The following ROBO2 variants were observed in gnomAD, a reference collection of about 807,000 sequenced individuals.
ROBO2 encodes roundabout homolog 2.
A neutral mutation model predicts 160.8 loss-of-function variants in ROBO2; 53 were observed. That is an observed-to-expected ratio of 0.33 (90% confidence interval 0.26 to 0.41). The LOEUF is 0.41. ROBO2 is among the 10% of genes least tolerant of loss of function. The pLI is 1.00. For missense variants in ROBO2, 1,577 were observed against 1,722.4 expected, an observed-to-expected ratio of 0.92 and a Z score of 1.49; for synonymous variants, 664 against 611.7, an observed-to-expected ratio of 1.09 and a Z score of -1.26.
At chr3:77,054,610 C>A (rs1165983537) in intron 1 of ROBO2, among the ~76,000 whole-genome samples, 1 of 152,100 alleles carries the variant, frequency 6.6e-6, no homozygotes, top group Non-Finnish European at 1.5e-5. Flanking sequence ...GCTTGCTGCA[C>A]AATTATATGT....
intron 2 of ROBO2, among the ~76,000 whole-genome samples, chr3:76,738,782 A>T (rs1576339351): frequency 6.6e-6 from 1 of 152,342 alleles, no homozygotes; most frequent in East Asian, 1.9e-4. Flanking sequence ...GCAAAATCTC[A>T]TGATAGATGT....
chr3:76,763,287 G>T (rs1225616073), intron 2 of ROBO2, among the ~76,000 whole-genome samples: 1 of 151,624 alleles, frequency 6.6e-6, no homozygotes, highest in Non-Finnish European at 1.5e-5. Flanking sequence ...CTGGAATGTT[G>T]TGAGGCTCAA....
At chr3:77,275,380 T>G (rs920563593) in intron 2 of ROBO2, among the ~76,000 whole-genome samples, 3 of 152,198 alleles carry the variant, frequency 2.0e-5, no homozygotes, top group Non-Finnish European at 2.9e-5. Flanking sequence ...TCTTATAATG[T>G]CATATCCCTG....
At chr3:77,647,330 A>G (rs1015312450) in exon 26 of ROBO2, 2 of 152,138 alleles carry the variant, frequency 1.3e-5, no homozygotes, top group Non-Finnish European at 2.9e-5. Context: ...GAGTATGTTC[A>G]GTTCGCAGTA....
Position 77,317,094 on chromosome 3 carries a change from T to A in ROBO2, c.389-160320T>A, listed in dbSNP as rs2064075990. On this transcript the variant is annotated intron_variant, in intron 2 of 25. Transcript: ENST00000461745. ...GGAATTCATCAGTCCTGTAGCCAAC[T>A]GCAAAGTTGCTCTGGGTCACTCAGG... 2.2e-6 allele frequency: 3 copies of A among 1,355,390 alleles called. No individual in the cohort carries two copies. In the African/African-American group the frequency reaches 4.3e-5, roughly 19 times the overall value. The allele number at this position is 1,355,390 out of a possible 1,614,324, so 84.0% of individuals were successfully genotyped here. A position where few individuals can be genotyped will look rare whatever the true frequency, so the allele number is the denominator to read the frequency against.
At chr3:77,455,220 A>C (rs2081503612) in intron 2 of ROBO2, among the ~76,000 whole-genome samples, 2 of 152,194 alleles carry the variant, frequency 1.3e-5, no homozygotes, top group Non-Finnish European at 2.9e-5. Context: ...ACATTTTTTC[A>C]TACCTTTGAG....
intron 1 of ROBO2, among the ~76,000 whole-genome samples, chr3:77,065,555 G>C (rs2066753348): frequency 6.6e-6 from 1 of 152,114 alleles, no homozygotes; most frequent in African/African-American, 2.4e-5. Context: ...TGGTGATCAA[G>C]ATTGAGAGTA....
rs535534101 is a variant in ROBO2 at position 77,532,853 on chromosome 3, G to A, written c.934+9951G>A. Among the ~76,000 whole-genome samples, 107 of 151,578 alleles carry A rather than the reference G, an allele frequency of 7.1e-4. 1 individual carries two copies. Among genetic ancestry groups the A allele is most frequent in the Non-Finnish European group, 1.1e-3 (74 of 67,864 alleles). On this transcript the variant is annotated intron_variant, in intron 6 of 25. Coordinates refer to ENST00000461745, the Ensembl canonical transcript of ROBO2. Reference sequence around the variant, plus strand: ...TCATTGTATATAATTTCATTTAGACGATGCCTAAGTTATTTGTTTTAAATT... The same window carrying A: ...TCATTGTATATAATTTCATTTAGACAATGCCTAAGTTATTTGTTTTAAATT...
rs191542433 is a variant in ROBO2, at chr3:76,563,861, G to A, written c.110-534153G>A. Among the ~76,000 whole-genome samples the A allele has an allele frequency of 1.8e-4, 28 of 152,280 alleles. No individual in the cohort carries two copies. In the East Asian group the frequency reaches 5.4e-3, roughly 29 times the overall value. On this transcript the variant is annotated intron_variant, in intron 2 of 26. Transcript: ENST00000487694. Reference sequence around the variant, plus strand: ...TTAAAAAATAATAAACAGTACTAATGTAGTTACAGATTTTGAAGTCCAGGT... The same window carrying A: ...TTAAAAAATAATAAACAGTACTAATATAGTTACAGATTTTGAAGTCCAGGT...
At chr3:77,323,691 C>A (rs914483154) in intron 2 of ROBO2, among the ~76,000 whole-genome samples, 1 of 152,044 alleles carries the variant, frequency 6.6e-6, no homozygotes, top group Admixed American at 6.6e-5. Context: ...AGATGAAACT[C>A]CTGAAAATGA....
intron 2 of ROBO2, among the ~76,000 whole-genome samples, chr3:77,252,831 A>AAAAAAAAAATATATATATATATATAT: frequency 3.2e-4 from 4 of 12,524 alleles, no homozygotes; most frequent in African/African-American, 6.3e-4. Flanking sequence ...AAAAAAAAAA[A>AAAAAAAAAATATATATATATATATAT]ATATATATAT....
chr3:76,979,877 C>G (rs2060008139), intron 2 of ROBO2, among the ~76,000 whole-genome samples: 1 of 150,910 alleles, frequency 6.6e-6, no homozygotes, highest in Admixed American at 6.6e-5. Context: ...TTCCTGGAAA[C>G]AAGGCCTGGG....
chr3:77,289,522 T>A (rs2060907312), intron 2 of ROBO2, among the ~76,000 whole-genome samples: 1 of 151,428 alleles, frequency 6.6e-6, no homozygotes, highest in Non-Finnish European at 1.5e-5. Flanking sequence ...ATGGGTAAGC[T>A]GAGGCTAGAT....
At chr3:76,894,316 T>C (rs2074597416) in intron 2 of ROBO2, among the ~76,000 whole-genome samples, 1 of 152,128 alleles carries the variant, frequency 6.6e-6, no homozygotes, top group African/African-American at 2.4e-5. Context: ...ATCATGTTGG[T>C]ATTGCTGTAG....
exon 22 of ROBO2, chr3:77,617,706 C>T (rs370043090): frequency 6.2e-7 from 1 of 1,614,030 alleles, no homozygotes; most frequent in African/African-American, 1.3e-5. Context: ...AGAGATGCAA[C>T]CCATGCTGCA....
intron 2 of ROBO2, among the ~76,000 whole-genome samples, chr3:77,151,938 A>G (rs1330816182): frequency 2.0e-5 from 3 of 152,116 alleles, no homozygotes; most frequent in Admixed American, 6.6e-5. Flanking sequence ...TTTTCAGTCC[A>G]ATGCCTTTGC....
intron 2 of ROBO2, among the ~76,000 whole-genome samples, chr3:76,034,449 G>A (rs2067033944): frequency 6.6e-6 from 1 of 152,196 alleles, no homozygotes; most frequent in Non-Finnish European, 1.5e-5. Context: ...ATGATAAGAT[G>A]TGGAGACTAG....
intron 2 of ROBO2, among the ~76,000 whole-genome samples, chr3:76,862,545 C>G (rs1172281036): frequency 6.6e-6 from 1 of 152,012 alleles, no homozygotes; most frequent in Non-Finnish European, 1.5e-5. Context: ...GGGTTATGAT[C>G]TAATGATGAT....
At chr3:77,523,616 C>G (rs762430447) in intron 6 of ROBO2, among the ~76,000 whole-genome samples, 7 of 151,324 alleles carry the variant, frequency 4.6e-5, no homozygotes, top group Non-Finnish European at 7.4e-5. Flanking sequence ...AATTAACTGT[C>G]TTTTCAGTGG....
Sources: gnomAD v4.1 joint callset for allele counts (sites outside exome capture counted in the v4.1 genomes callset) on GRCh38, gnomAD v4.1.1 for gene constraint, MANE v1.5 for transcripts, NCBI Gene and HGNC (gene_info 2026-07-23, HGNC 2026-07-21) for gene names.